DDX10: variants seen among roughly 807,000 people sequenced by gnomAD.
DDX10 encodes probable ATP-dependent RNA helicase DDX10.
Under a neutral mutation model 104.3 loss-of-function variants are expected in DDX10, and 74 were observed. That is an observed-to-expected ratio of 0.71 (90% CI 0.59 to 0.86). The LOEUF (loss-of-function observed/expected upper bound fraction) is 0.86. Among genes scored for constraint, DDX10 ranks in the 40% least tolerant of loss-of-function variants. The pLI, the probability that DDX10 is intolerant of heterozygous loss-of-function variation, is 0.00. For synonymous variants in DDX10, 351 were observed against 353.4 expected, an observed-to-expected ratio of 0.99 and a Z score of 0.08; for missense variants, 952 against 1,040.0, an observed-to-expected ratio of 0.92 and a Z score of 1.16.
At chr11:108,845,209 A>AAAAC (rs36193704) in intron 15 of DDX10, among the ~76,000 whole-genome samples, 2,901 of 152,006 alleles carry the variant, frequency 0.019, 63 homozygotes, top group African/African-American at 0.049. Context: ...CTCTGTCTCA[A>AAAAC]AAACAAACAA....
At chr11:108,802,446 T>A (rs935789998) in intron 13 of DDX10, among the ~76,000 whole-genome samples, 2 of 152,208 alleles carry the variant, frequency 1.3e-5, no homozygotes, top group Non-Finnish European at 2.9e-5. Flanking sequence ...TTTATGTTTT[T>A]ATTAGTCTTT....
At chr11:108,861,109 A>G (rs1862935640) in intron 16 of DDX10, among the ~76,000 whole-genome samples, 1 of 150,646 alleles carries the variant, frequency 6.6e-6, no homozygotes, top group Non-Finnish European at 1.5e-5. Flanking sequence ...ATTCACCCTT[A>G]ATCTAGTAGG....
intron 15 of DDX10, among the ~76,000 whole-genome samples, chr11:108,845,847 C>A (rs572500674): frequency 6.6e-6 from 1 of 152,122 alleles, no homozygotes; most frequent in East Asian, 1.9e-4. Context: ...CTTAATGATT[C>A]TGTTTGGAAG....
intron 17 of DDX10, among the ~76,000 whole-genome samples, chr11:108,938,259 C>T (rs1385338759): frequency 6.6e-6 from 1 of 152,114 alleles, no homozygotes; most frequent in Non-Finnish European, 1.5e-5. Flanking sequence ...GTATAAAGGG[C>T]CTTTCTAGAA....
chr11:108,819,044 TGAGAG>T (rs1240795994), intron 13 of DDX10, among the ~76,000 whole-genome samples: 2 of 152,192 alleles, frequency 1.3e-5, no homozygotes, highest in Non-Finnish European at 2.9e-5. Context: ...TTGCAACACT[TGAGAG>T]GAGATTGTTT....
intron 13 of DDX10, among the ~76,000 whole-genome samples, chr11:108,796,165 TTCTCTCTC>T (rs1395051987): frequency 6.6e-6 from 1 of 152,034 alleles, no homozygotes; most frequent in African/African-American, 2.4e-5. Flanking sequence ...CTCTCTCTCT[TTCTCTCTC>T]TCTCACACTT....
intron 3 of DDX10, 36 bp downstream of exon 3, chr11:108,675,762 T>C (rs751335973): frequency 2.1e-5 from 34 of 1,607,418 alleles, no homozygotes; most frequent in Non-Finnish European, 2.7e-5. Context: ...CTGTCTGTTA[T>C]ACAATTTTAT....
At chr11:108,784,098 A>G (rs1490815487) in intron 13 of DDX10, among the ~76,000 whole-genome samples, 2 of 152,194 alleles carry the variant, frequency 1.3e-5, no homozygotes, top group Non-Finnish European at 2.9e-5. Context: ...ATTGTGAATA[A>G]CACAACATTG....
chr11:108,870,163 A>T (rs1455175448), intron 16 of DDX10, among the ~76,000 whole-genome samples: 1 of 152,168 alleles, frequency 6.6e-6, no homozygotes, highest in Non-Finnish European at 1.5e-5. Flanking sequence ...TATTAAAAAT[A>T]GATCCAGAGT....
chr11:108,881,466 T>G (rs1454000134), intron 16 of DDX10, among the ~76,000 whole-genome samples: 1 of 152,192 alleles, frequency 6.6e-6, no homozygotes, highest in Admixed American at 6.5e-5. Flanking sequence ...ATCCTTTCAA[T>G]TCAGTAATAT....
At chr11:108,880,144 T>G (rs1257145117) in intron 16 of DDX10, among the ~76,000 whole-genome samples, 1 of 152,224 alleles carries the variant, frequency 6.6e-6, no homozygotes. Flanking sequence ...AAGTCCAAGT[T>G]CAAGGTGCTG....
intron 13 of DDX10, among the ~76,000 whole-genome samples, chr11:108,822,032 A>G (rs1044743586): frequency 3.3e-5 from 5 of 152,228 alleles, no homozygotes; most frequent in South Asian, 4.1e-4. Context: ...ACCAATTTCC[A>G]TTAAGTTTTA....
intron 15 of DDX10, among the ~76,000 whole-genome samples, chr11:108,847,021 A>G (rs2514119): frequency 0.27 from 41,054 of 152,092 alleles, 5,957 homozygotes; most frequent in South Asian, 0.32. Context: ...CCGCTTTCTT[A>G]TGAGACCACC....
intron 13 of DDX10, among the ~76,000 whole-genome samples, chr11:108,767,784 C>G (rs541506008): frequency 6.6e-6 from 1 of 152,148 alleles, no homozygotes; most frequent in African/African-American, 2.4e-5. Context: ...TAGGTTTGAA[C>G]TGTGAGAGTC....
At chr11:108,878,320 G>A (rs954041373) in intron 16 of DDX10, among the ~76,000 whole-genome samples, 7 of 152,192 alleles carry the variant, frequency 4.6e-5, no homozygotes, top group Non-Finnish European at 8.8e-5. Context: ...AGAACGAGTT[G>A]CCTCAGTGAA....
At chr11:108,789,078 G>C (rs1415288537) in intron 13 of DDX10, among the ~76,000 whole-genome samples, 1 of 152,212 alleles carries the variant, frequency 6.6e-6, no homozygotes, top group Non-Finnish European at 1.5e-5. Context: ...TCAGAGGTTA[G>C]ATTTTGATGT....
chr11:108,815,444 T>A (rs574435739), intron 13 of DDX10, among the ~76,000 whole-genome samples: 2 of 152,318 alleles, frequency 1.3e-5, no homozygotes, highest in South Asian at 2.1e-4. Flanking sequence ...AAGTGAAAGG[T>A]TGACCTTCTG....
intron 16 of DDX10, among the ~76,000 whole-genome samples, chr11:108,852,569 T>A (rs1023412979): frequency 3.3e-5 from 5 of 152,236 alleles, no homozygotes; most frequent in Admixed American, 6.5e-5. Flanking sequence ...ATCTGTATCA[T>A]CTTCAGGTAG....
chr11:108,822,862 T>G (rs1043229027), intron 13 of DDX10, among the ~76,000 whole-genome samples: 3 of 152,262 alleles, frequency 2.0e-5, no homozygotes, highest in Admixed American at 2.0e-4. Context: ...GGTCTAGCAC[T>G]AAGATGTTTC....
Sources: gnomAD v4.1 joint callset for allele counts (sites outside exome capture counted in the v4.1 genomes callset) on GRCh38, gnomAD v4.1.1 for gene constraint, MANE v1.5 for transcripts, NCBI Gene and HGNC (gene_info 2026-07-23, HGNC 2026-07-21) for gene names.